Variants in VDR observed in about 807,000 individuals in gnomAD.
VDR encodes the protein vitamin D3 receptor.
In VDR, 19 loss-of-function variants were observed where a neutral mutation model predicts 39.7. The ratio of observed to expected loss-of-function variants is 0.48; its 90% confidence interval spans 0.33 to 0.70. VDR has a LOEUF of 0.70. VDR is among the 30% of genes least tolerant of loss of function. VDR has a pLI of 0.02. For missense variants in VDR, 442 were observed against 570.5 expected, an observed-to-expected ratio of 0.77 and a Z score of 2.29; for synonymous variants, 242 against 215.8, an observed-to-expected ratio of 1.12 and a Z score of -1.07.
chr12:47,895,175 G>A (rs1378668853), intron 1 of VDR, among the ~76,000 whole-genome samples: 2 of 152,206 alleles, frequency 1.3e-5, no homozygotes, highest in African/African-American at 2.4e-5. Flanking sequence ...GAGAGGAGGA[G>A]GAATAAATTC....
At chr12:47,901,847 G>A (rs1239326842) in intron 1 of VDR, among the ~76,000 whole-genome samples, 1 of 152,178 alleles carries the variant, frequency 6.6e-6, no homozygotes, top group Non-Finnish European at 1.5e-5. Flanking sequence ...GGTGGGGCAG[G>A]AAAACCAAAG....
At chr12:47,847,670 T>C (rs1043988459) in intron 7 of VDR, among the ~76,000 whole-genome samples, 2 of 152,142 alleles carry the variant, frequency 1.3e-5, no homozygotes, top group African/African-American at 4.8e-5. Context: ...ACTCCTGGGC[T>C]CAAGTGAGTC....
chr12:47,880,393 C>T (rs1946121746), intron 2 of VDR, among the ~76,000 whole-genome samples: 1 of 152,122 alleles, frequency 6.6e-6, no homozygotes, highest in African/African-American at 2.4e-5. Flanking sequence ...CTTATTTCAC[C>T]TTCATACCAC....
intron 1 of VDR, among the ~76,000 whole-genome samples, chr12:47,884,548 C>T (rs1023003716): frequency 5.3e-5 from 8 of 152,160 alleles, no homozygotes; most frequent in Non-Finnish European, 1.5e-5. Context: ...TTTCCTGTGT[C>T]CTCACTCACT....
chr12:47,883,374 G>A (rs1946196474), intron 1 of VDR, among the ~76,000 whole-genome samples: 1 of 152,314 alleles, frequency 6.6e-6, no homozygotes, highest in African/African-American at 2.4e-5. Flanking sequence ...TGTAGGCGGA[G>A]CAGGTGTTGC....
chr12:47,875,822 G>T lies in VDR; in HGVS notation c.146+3146C>A, dbSNP rs573847654. ...GTCTTATGTGAGTTTTCTGTTTAAA[G>T]ATATCTTATTCAATAGATATTGTTG... is the stretch of plus-strand genomic sequence containing the variant. On this transcript the variant is annotated intron_variant, in intron 3 of 9. Coordinates refer to ENST00000549336, the MANE Select transcript of VDR (RefSeq NM_000376.3). Among the ~76,000 whole-genome samples, 15 of 152,296 alleles carry T rather than the reference G, an allele frequency of 9.8e-5. No individual in the cohort carries two copies. In the South Asian group the frequency reaches 3.1e-3, roughly 32 times the overall value.
At chr12:47,857,816 C>T (rs1592108157) in intron 4 of VDR, 128 bp from the exon 5 acceptor site, 8 of 1,019,000 alleles carry the variant, frequency 7.9e-6, no homozygotes, top group East Asian at 5.2e-5. Flanking sequence ...CGGGGGTCCT[C>T]CTGCCACGGA....
intron 1 of VDR, among the ~76,000 whole-genome samples, chr12:47,886,497 G>T (rs1313338959): frequency 6.6e-6 from 1 of 152,140 alleles, no homozygotes; most frequent in Non-Finnish European, 1.5e-5. Flanking sequence ...AGCTGACAGA[G>T]AACAGAGTGA....
chr12:47,845,347 C>T (rs10875692), intron 9 of VDR, among the ~76,000 whole-genome samples: 4,507 of 151,648 alleles, frequency 0.03, 473 homozygotes, highest in Admixed American at 0.18. Context: ...TGGAACTCTG[C>T]TCTGCTATCT....
intron 7 of VDR, among the ~76,000 whole-genome samples, chr12:47,849,158 C>T (rs1319508901): frequency 6.6e-6 from 1 of 152,146 alleles, no homozygotes; most frequent in African/African-American, 2.4e-5. Context: ...AGGCTGTCAC[C>T]CCGTCAATGG....
At chr12:47,848,654 C>T (rs1565608418) in intron 7 of VDR, among the ~76,000 whole-genome samples, 1 of 147,804 alleles carries the variant, frequency 6.8e-6, no homozygotes, top group Non-Finnish European at 1.5e-5. Context: ...GCAACCTCCA[C>T]CTCCCAGGTT....
intron 5 of VDR, 89 bp from the exon 6 acceptor site, chr12:47,857,338 A>C (rs1565613515): frequency 2.5e-6 from 4 of 1,609,926 alleles, no homozygotes; most frequent in Non-Finnish European, 1.7e-6. Flanking sequence ...GCTTTGAGGA[A>C]GGTCTACAGG....
At chr12:47,885,075 C>T (rs184443282) in intron 1 of VDR, among the ~76,000 whole-genome samples, 2 of 152,316 alleles carry the variant, frequency 1.3e-5, no homozygotes, top group Non-Finnish European at 2.9e-5. Flanking sequence ...CACGCCCACC[C>T]CACCAGCAAT....
intron 2 of VDR, among the ~76,000 whole-genome samples, chr12:47,881,102 G>A (rs1405150880): frequency 2.9e-5 from 3 of 102,968 alleles, no homozygotes; most frequent in Non-Finnish European, 6.7e-5. Context: ...GTGTGTGTGT[G>A]TGTATATATA....
Position 47,844,167 on chromosome 12 carries a change from G to C in VDR, c.*579C>G, listed in dbSNP as rs182733720. 1 of 165,152 alleles carries C rather than the reference G, an allele frequency of 6.1e-6. No individual in the cohort carries two copies. Among genetic ancestry groups the C allele is most frequent in the Non-Finnish European group, 1.3e-5 (1 of 75,154 alleles). The allele number at this position is 165,152 out of a possible 1,614,324, so 10.2% of individuals were successfully genotyped here. On this transcript the variant is annotated 3_prime_UTR_variant, in exon 10 of 10. Coordinates refer to ENST00000549336, the MANE Select transcript of VDR (RefSeq NM_000376.3). ...TGGGTCTCTCAGCAGGTGGGTTCGT[G>C]CCTGGTGCTCCAGTGATGGGAAGAA...
At position 47,883,977 on chromosome 12, in the gene VDR, G is replaced by A. The variant is rs1021787319; in HGVS notation, c.-83-1203C>T. On this transcript the variant is annotated intron_variant, in intron 1 of 9. Transcript: ENST00000549336. ...CCACAAGAAGCATGGGCAGTGGGAG[G>A]TGTCTGCTGAGGACAGGCATGCTGC... is the stretch of plus-strand genomic sequence containing the variant. Among the ~76,000 whole-genome samples the A allele has an allele frequency of 2.6e-5, 4 of 152,262 alleles. No individual in the cohort carries two copies. The South Asian group carries it at 6.2e-4, about 24-fold the overall frequency.
chr12:47,879,183 T>C, intron 2 of VDR, 68 bp from the exon 3 acceptor site: 3 of 1,570,904 alleles, frequency 1.9e-6, no homozygotes, highest in Non-Finnish European at 2.6e-6. Context: ...GCATCCTTGG[T>C]GCCACCCACC....
At chr12:47,904,681 T>G (rs1031686284) in intron 1 of VDR, 2 of 1,513,518 alleles carry the variant, frequency 1.3e-6, no homozygotes, top group Admixed American at 2.0e-5. Flanking sequence ...GTTGCCCAAG[T>G]GCTAAGCACT....
chr12:47,845,537 T>C (rs749484262), intron 9 of VDR, among the ~76,000 whole-genome samples: 12 of 152,294 alleles, frequency 7.9e-5, no homozygotes, highest in Non-Finnish European at 5.9e-5. Flanking sequence ...GAATTAATAA[T>C]TAAATAACAT....
Sources: allele counts gnomAD v4.1 joint callset (sites outside exome capture counted in the v4.1 genomes callset), GRCh38; gene constraint gnomAD v4.1.1; transcripts MANE v1.5; gene names NCBI Gene and HGNC (gene_info 2026-07-23, HGNC 2026-07-21).